TENM3: variants seen among roughly 807,000 people sequenced by gnomAD.
TENM3 encodes the protein teneurin-3.
TENM3 carries 63 observed loss-of-function variants against 255.1 expected under a neutral mutation model. The ratio of observed to expected loss-of-function variants is 0.25; its 90% CI spans 0.20 to 0.30. The LOEUF is 0.30. Among genes scored for constraint, TENM3 ranks in the 10% least tolerant of loss-of-function variants. The probability of loss-of-function intolerance (pLI) is 1.00; values close to 1 mark genes in which losing one functional copy is unlikely to be tolerated. For synonymous variants in TENM3, 1,306 were observed against 1,322.3 expected, an observed-to-expected ratio of 0.99 and a Z score of 0.27; for missense variants, 2,929 against 3,461.1, an observed-to-expected ratio of 0.85 and a Z score of 3.86.
the TENM3 span, among the ~76,000 whole-genome samples, chr4:181,850,085 G>A: frequency 2.7e-4 from 40 of 149,426 alleles, 1 homozygote; most frequent in East Asian, 5.4e-3. Flanking sequence ...CCCTCCCTCC[G>A]TTCTGCTTCC....
rs1224161523 is a variant in TENM3, at chr4:182,526,018, C to A, written c.512-74906C>A. Among the ~76,000 whole-genome samples the A allele has an allele frequency of 3.9e-5, 6 of 152,242 alleles. No homozygotes were observed. In the South Asian group the frequency reaches 1.2e-3, roughly 32 times the overall value. On this transcript the variant is annotated intron_variant, in intron 3 of 27. Coordinates refer to ENST00000511685, the MANE Select transcript of TENM3 (RefSeq NM_001080477.4). ...TTTTTGAGACAGGGTCGTGCTCTGT[C>A]GCCCAGGCTGGAGTGCAGTGGTGCG...
At chr4:182,262,716 CTT>C (rs1197610329) in intron 1 of TENM3, among the ~76,000 whole-genome samples, 54 of 138,106 alleles carry the variant, frequency 3.9e-4, no homozygotes, top group Middle Eastern at 3.8e-3. Context: ...TATTCCTTTA[CTT>C]TCTTTTTTTT....
chr4:181,557,099 G>T, the TENM3 span, among the ~76,000 whole-genome samples: 2 of 152,104 alleles, frequency 1.3e-5, no homozygotes. Flanking sequence ...ATTTGCAACA[G>T]GTATGGTCTA....
chr4:182,018,156 A>C, the TENM3 span, among the ~76,000 whole-genome samples: 1 of 152,254 alleles, frequency 6.6e-6, no homozygotes, highest in Non-Finnish European at 1.5e-5. Flanking sequence ...GAAGGGGATG[A>C]TTCTTTGGGT....
At chr4:182,050,426 A>G in the TENM3 span, among the ~76,000 whole-genome samples, 1 of 152,262 alleles carries the variant, frequency 6.6e-6, no homozygotes, top group African/African-American at 2.4e-5. Context: ...CATCAAATAC[A>G]GTGATTCATG....
chr4:181,930,157 A>G, the TENM3 span, among the ~76,000 whole-genome samples: 40 of 152,354 alleles, frequency 2.6e-4, no homozygotes, highest in Admixed American at 9.8e-4. Flanking sequence ...AACAAAAACA[A>G]GAAATAAGTA....
chr4:182,377,439 G>A (rs997160572), intron 3 of TENM3, among the ~76,000 whole-genome samples: 3 of 151,988 alleles, frequency 2.0e-5, no homozygotes, highest in Admixed American at 2.0e-4. Flanking sequence ...TCAGCCTTGC[G>A]AATAGCTGGT....
intron 3 of TENM3, among the ~76,000 whole-genome samples, chr4:182,408,755 T>G (rs1283975247): frequency 6.6e-6 from 1 of 152,154 alleles, no homozygotes; most frequent in Non-Finnish European, 1.5e-5. Flanking sequence ...ATAGTATTCA[T>G]CCATTCGTTC....
intron 1 of TENM3, among the ~76,000 whole-genome samples, chr4:182,182,740 C>A (rs1349109654): frequency 6.6e-6 from 1 of 152,148 alleles, no homozygotes; most frequent in Non-Finnish European, 1.5e-5. Flanking sequence ...CTTTACCCCT[C>A]TAAAATGCCT....
chr4:182,600,867 A>ATATATATATATATATATATATATG, intron 3 of TENM3, 57 bp from the exon 4 acceptor site: 1 of 947,376 alleles, frequency 1.1e-6, no homozygotes, highest in East Asian at 2.8e-5. Flanking sequence ...GTGTGTATAT[A>ATATATATATATATATATATATATG]CATATATATA....
chr4:182,230,840 A>ATATATG (rs1339147802), intron 1 of TENM3, among the ~76,000 whole-genome samples: 2 of 113,276 alleles, frequency 1.8e-5, no homozygotes, highest in East Asian at 5.5e-4. Context: ...ATATATATAT[A>ATATATG]TATATATATA....
chr4:182,448,308 T>A (rs1207207506), intron 3 of TENM3, among the ~76,000 whole-genome samples: 7 of 152,142 alleles, frequency 4.6e-5, no homozygotes, highest in Non-Finnish European at 7.4e-5. Context: ...CCTGCTGCGT[T>A]CACGAGCGAC....
chr4:182,649,684 A>G (rs1315198265), intron 5 of TENM3, among the ~76,000 whole-genome samples: 1 of 150,412 alleles, frequency 6.6e-6, no homozygotes, highest in Non-Finnish European at 1.5e-5. Flanking sequence ...TCATCATATT[A>G]CTGTAAAACT....
chr4:181,769,467 C>T, the TENM3 span, among the ~76,000 whole-genome samples: 3 of 152,192 alleles, frequency 2.0e-5, no homozygotes, highest in Non-Finnish European at 4.4e-5. Context: ...AATGGCTCCT[C>T]CTCATTGGGT....
chr4:181,886,346 C>A, the TENM3 span, among the ~76,000 whole-genome samples: 6 of 152,186 alleles, frequency 3.9e-5, no homozygotes, highest in Admixed American at 3.3e-4. Context: ...AATGAGCCAC[C>A]ATGCCCGGCC....
intron 22 of TENM3, among the ~76,000 whole-genome samples, chr4:182,755,802 T>A (rs926620181): frequency 6.6e-5 from 10 of 151,818 alleles, no homozygotes; most frequent in South Asian, 2.1e-4. Context: ...ATCGCGCCAC[T>A]GCACTCCAGT....
the TENM3 span, among the ~76,000 whole-genome samples, chr4:182,058,652 G>A: frequency 2.6e-5 from 4 of 152,138 alleles, no homozygotes; most frequent in South Asian, 6.2e-4. Context: ...ATATATCTGT[G>A]ATCCAACTCT....
chr4:181,544,506 A>G, the TENM3 span, among the ~76,000 whole-genome samples: 2 of 141,666 alleles, frequency 1.4e-5, no homozygotes, highest in Non-Finnish European at 3.0e-5. Context: ...TTCTTCATGG[A>G]AGCATTTAAT....
At chr4:181,548,151 T>G in the TENM3 span, among the ~76,000 whole-genome samples, 1 of 152,130 alleles carries the variant, frequency 6.6e-6, no homozygotes, top group Non-Finnish European at 1.5e-5. Flanking sequence ...CATTAAAAAG[T>G]CAGGAAACAA....
Sources: allele counts gnomAD v4.1 joint callset (sites outside exome capture counted in the v4.1 genomes callset), GRCh38; gene constraint gnomAD v4.1.1; transcripts MANE v1.5; gene names NCBI Gene and HGNC (gene_info 2026-07-23, HGNC 2026-07-21).